The following RFX4 variants were observed in gnomAD, a reference collection of about 807,000 sequenced individuals.
RFX4 encodes the protein regulatory factor X4.
A neutral mutation model predicts 95.0 loss-of-function variants in RFX4; 10 were observed. The ratio of observed to expected loss-of-function variants is 0.11; its 90% CI spans 0.06 to 0.18. The LOEUF (loss-of-function observed/expected upper bound fraction) is 0.18. Among genes scored for constraint, RFX4 ranks in the 10% least tolerant of loss-of-function variants. The pLI is 1.00. For missense variants in RFX4, 640 were observed against 922.0 expected, an observed-to-expected ratio of 0.69 and a Z score of 3.96; for synonymous variants, 321 against 340.7, an observed-to-expected ratio of 0.94 and a Z score of 0.64.
chr12:106,636,390 C>CAAAAAAAA (rs34305367), intron 2 of RFX4, among the ~76,000 whole-genome samples: 1 of 76,876 alleles, frequency 1.3e-5, no homozygotes, highest in Non-Finnish European at 2.7e-5. Context: ...AACTCTGTCT[C>CAAAAAAAA]AAAAAAAAAA....
chr12:106,726,633 T>G (rs1053542521), intron 13 of RFX4, among the ~76,000 whole-genome samples: 2 of 152,356 alleles, frequency 1.3e-5, no homozygotes, highest in East Asian at 3.9e-4. Context: ...TTTTTAACTT[T>G]TTAAAACACA....
At chr12:106,675,729 G>A (rs1592925264) in intron 4 of RFX4, among the ~76,000 whole-genome samples, 1 of 152,172 alleles carries the variant, frequency 6.6e-6, no homozygotes, top group East Asian at 1.9e-4. Context: ...GAGATGTGAG[G>A]ATGAGTAGAC....
intron 1 of RFX4, among the ~76,000 whole-genome samples, chr12:106,600,165 T>C (rs1189529674): frequency 1.3e-5 from 2 of 152,338 alleles, no homozygotes; most frequent in East Asian, 3.9e-4. Flanking sequence ...AAACACGTGT[T>C]GATACCTGAA....
At chr12:106,589,244 A>G (rs1592826017) in intron 1 of RFX4, among the ~76,000 whole-genome samples, 2 of 152,288 alleles carry the variant, frequency 1.3e-5, no homozygotes, top group South Asian at 4.1e-4. Context: ...AAGAAAATAG[A>G]CTACTTTGGG....
chr12:106,692,687 G>C (rs1592946695), intron 7 of RFX4, among the ~76,000 whole-genome samples: 1 of 152,156 alleles, frequency 6.6e-6, no homozygotes, highest in East Asian at 1.9e-4. Context: ...TAATAATTTG[G>C]AATCATTTGC....
rs1009071550 is a variant in RFX4 at position 106,586,988 on chromosome 12, C to T, written c.43+3625C>T. The stretch of plus-strand genomic sequence containing the variant: ...CCCCGGGCGTGTGTGTGTGCGCGCG[C>T]GCGGGCGAACGGGGCATGTGCGCCC... On this transcript the variant is annotated intron_variant, in intron 1 of 17. Transcript: ENST00000392842. This position sits in a 1 kb window ranked among gnomAD's most constrained non-coding sequence, Gnocchi z 5.6. Among the ~76,000 whole-genome samples, 1 of 152,212 alleles carries T rather than the reference C, an allele frequency of 6.6e-6. No individual in the cohort carries two copies. The highest frequency in any genetic ancestry group is 1.5e-5 in the Non-Finnish European group (1 of 68,036).
Position 106,586,966 on chromosome 12 carries a change from C to T in RFX4, c.43+3603C>T, listed in dbSNP as rs906879930. On this transcript the variant is annotated intron_variant, in intron 1 of 17. Transcript: ENST00000392842. This position sits in a 1 kb window ranked among gnomAD's most constrained non-coding sequence, Gnocchi z 5.6. ...CCAAACCAGACAGTCTCGCCCTCCC[C>T]GGGCGTGTGTGTGTGCGCGCGCGCG... 1.5e-4 allele frequency among the ~76,000 whole-genome samples: 23 copies of T among 152,310 alleles called. No homozygotes were observed. Among genetic ancestry groups the T allele is most frequent in the Admixed American group, 5.2e-4 (8 of 15,310 alleles).
chr12:106,665,494 T>C (rs1307568539), intron 4 of RFX4, among the ~76,000 whole-genome samples: 1 of 151,956 alleles, frequency 6.6e-6, no homozygotes, highest in Non-Finnish European at 1.5e-5. Context: ...GAAGTAATTA[T>C]TGATAAAATT....
chr12:106,615,381 A>G (rs2040053459), intron 2 of RFX4, among the ~76,000 whole-genome samples: 1 of 152,164 alleles, frequency 6.6e-6, no homozygotes. Context: ...TACTGCACCT[A>G]TAAAATAAGT....
At chr12:106,710,559 G>C (rs935172655) in intron 9 of RFX4, among the ~76,000 whole-genome samples, 2 of 152,088 alleles carry the variant, frequency 1.3e-5, no homozygotes, top group Non-Finnish European at 2.9e-5. Flanking sequence ...GGAAATTTCT[G>C]ACTATTACTT....
chr12:106,616,922 G>A (rs149280573), intron 2 of RFX4, among the ~76,000 whole-genome samples: 72 of 151,528 alleles, frequency 4.8e-4, no homozygotes, highest in Admixed American at 3.6e-3. Context: ...CACCATGCCC[G>A]GCTAATTTTT....
chr12:106,656,172 G>C (rs2040954502), intron 4 of RFX4, among the ~76,000 whole-genome samples: 1 of 152,060 alleles, frequency 6.6e-6, no homozygotes, highest in African/African-American at 2.4e-5. Flanking sequence ...AAATCTCAAG[G>C]CATTTGCATT....
At chr12:106,690,717 A>T (rs2041763046) in intron 7 of RFX4, among the ~76,000 whole-genome samples, 1 of 152,150 alleles carries the variant, frequency 6.6e-6, no homozygotes, top group South Asian at 2.1e-4. Context: ...CCAGAAATAA[A>T]ATAGCACTTC....
chr12:106,642,717 G>A (rs1408406397), intron 3 of RFX4, among the ~76,000 whole-genome samples: 1 of 152,238 alleles, frequency 6.6e-6, no homozygotes, highest in Admixed American at 6.5e-5. Flanking sequence ...TAGTGTCTGA[G>A]AGGCTATTTC....
At chr12:106,632,459 C>G (rs1004703453) in intron 2 of RFX4, among the ~76,000 whole-genome samples, 2 of 152,176 alleles carry the variant, frequency 1.3e-5, no homozygotes, top group African/African-American at 4.8e-5. Context: ...AGGCATTTGG[C>G]AGGACCAGTT....
chr12:106,639,511 T>C (rs2040576856), intron 3 of RFX4, 119 bp downstream of exon 3: 5 of 904,136 alleles, frequency 5.5e-6, no homozygotes, highest in Non-Finnish European at 8.5e-6. Context: ...TTCCACAACA[T>C]GAAATCTATT....
At chr12:106,734,780 A>G (rs575103646) in intron 15 of RFX4, among the ~76,000 whole-genome samples, 1 of 152,152 alleles carries the variant, frequency 6.6e-6, no homozygotes, top group South Asian at 2.1e-4. Flanking sequence ...AAAAGAAATC[A>G]GCCAGGCATG....
At chr12:106,669,874 G>C (rs1409588175) in intron 4 of RFX4, among the ~76,000 whole-genome samples, 1 of 151,368 alleles carries the variant, frequency 6.6e-6, no homozygotes, top group Non-Finnish European at 1.5e-5. Context: ...GTGTGTGTGT[G>C]TGTGTAGTGC....
At chr12:106,688,481 G>C (rs2041712806) in intron 6 of RFX4, among the ~76,000 whole-genome samples, 2 of 152,180 alleles carry the variant, frequency 1.3e-5, no homozygotes, top group African/African-American at 4.8e-5. Flanking sequence ...TGAAGAATGA[G>C]ATGAGTCCTG....
Sources: gnomAD v4.1 joint callset for allele counts (sites outside exome capture counted in the v4.1 genomes callset) on GRCh38, gnomAD v4.1.1 for gene constraint, Gnocchi (gnomAD v3.1) non-coding constraint, MANE v1.5 for transcripts, NCBI Gene and HGNC (gene_info 2026-07-23, HGNC 2026-07-21) for gene names.